SKA3: variants seen among roughly 807,000 people sequenced by gnomAD.
SKA3 encodes spindle and kinetochore associated complex subunit 3, also known as spindle and kinetochore-associated protein 3.
Under a neutral mutation model 44.2 loss-of-function variants are expected in SKA3, and 39 were observed. The observed-to-expected ratio is 0.88, with a 90% CI of 0.68 to 1.15. The LOEUF is 1.15. Among genes scored for constraint, SKA3 ranks in the 50% most tolerant of loss-of-function variants. The pLI, the probability that SKA3 is intolerant of heterozygous loss-of-function variation, is 0.00. For synonymous variants in SKA3, 192 were observed against 172.0 expected (o/e 1.12, Z -0.91); for missense variants, 511 against 485.8 (o/e 1.05, Z -0.49).
chr13:21,157,853 A>C, intron 7 of SKA3, 69 bp downstream of exon 7: 1 of 954,100 alleles, frequency 1.0e-6, no homozygotes, highest in Non-Finnish European at 1.4e-6. Context: ...ATGCAGTTTC[A>C]GGTCTTTAAA....
Position 21,158,011 on chromosome 13 carries a change from GA to G in SKA3, c.1029del (p.Ser345LeufsTer20). Reference sequence around the variant, plus strand: ...TAAGAAGAAATCGTAGGTGAAGAGGGATCTGTTAAATTCTCAAAGCATGTGT... The same window carrying G: ...TAAGAAGAAATCGTAGGTGAAGAGGGTCTGTTAAATTCTCAAAGCATGTGT... Reference protein sequence around the residue: ...NSDTCFENLTDPSSPTISSYE... With the variant: ...NSDTCFENLTXPSSPTISSYE... On this transcript the variant is annotated frameshift_variant, in exon 7 of 9. Transcript: ENST00000314759. LOFTEE classifies it high-confidence loss of function. 2.5e-6 allele frequency: 4 copies of G among 1,613,302 alleles called. No individual in the cohort carries two copies. Among genetic ancestry groups the G allele is most frequent in the Non-Finnish European group, 2.5e-6 (3 of 1,179,376 alleles).
chr13:21,176,198 G>T, intron 1 of SKA3, 177 bp downstream of exon 1: 1 of 562,484 alleles, frequency 1.8e-6, no homozygotes, highest in Non-Finnish European at 3.1e-6. Context: ...AGGCCCGGGA[G>T]CTACGCTAAC....
intron 3 of SKA3, among the ~76,000 whole-genome samples, chr13:21,168,696 A>T (rs6490646): frequency 0.87 from 132,180 of 152,010 alleles, 57,662 homozygotes; most frequent in East Asian, 1. Flanking sequence ...AGCTAATTTT[A>T]AAAATTTTTT....
chr13:21,176,340 CCACGCACCGTGCCCTGGCCGCCCGCCT>C lies in SKA3; in HGVS notation c.103+8_103+34del, dbSNP rs748565263. On this transcript the variant is annotated splice_region_variant and intron_variant, in intron 1 of 8. Coordinates refer to ENST00000314759, the MANE Select transcript of SKA3 (RefSeq NM_145061.6). ...CACGCCCCTCCGCCCGCGGCGCACC[CCACGCACCGTGCCCTGGCCGCCCGCCT>C]CACGCACCGCTTTCCTCTCCGTCCA... The C allele has an allele frequency of 2.4e-6, 3 of 1,250,156 alleles. No individual in the cohort carries two copies. The highest frequency in any genetic ancestry group is 3.1e-6 in the Non-Finnish European group (3 of 953,786). The allele number at this position is 1,250,156 out of a possible 1,614,324, so 77.4% of individuals were successfully genotyped here. A position where few individuals can be genotyped will look rare whatever the true frequency, so the allele number is the denominator to read the frequency against.
chr13:21,170,753 A>G (rs554993908), intron 3 of SKA3, among the ~76,000 whole-genome samples: 36 of 152,320 alleles, frequency 2.4e-4, no homozygotes, highest in Non-Finnish European at 4.9e-4. Flanking sequence ...TATTATCCCC[A>G]TCTTATAAGT....
chr13:21,164,174 AT>A (rs1870588010), intron 4 of SKA3, among the ~76,000 whole-genome samples: 1 of 152,218 alleles, frequency 6.6e-6, no homozygotes. Flanking sequence ...TATAACATAT[AT>A]ATGCACATAT....
At position 21,176,455 on chromosome 13, in the gene SKA3, C is replaced by G. The variant is rs1871538780; in HGVS notation, c.23G>C (p.Cys8Ser). 4 of 1,576,252 alleles carry G rather than the reference C, an allele frequency of 2.5e-6. No homozygotes were observed. Among genetic ancestry groups the G allele is most frequent in the South Asian group, 1.2e-5 (1 of 86,646 alleles). MDPIRSF[C>S]GKLRSLASTL... is the part of the protein sequence containing the mutation. ...GCTGGCCAGAGACCGCAGCTTCCCG[C>G]AGAAGCTCCGGATAGGGTCCATGCT... Residue 8 changes from cysteine to serine, a missense_variant, in exon 1 of 9, where the codon TGC (cysteine) becomes TCC (serine). Cys to Ser is a moderately radical substitution (Grantham distance 112, BLOSUM62 -1). Transcript: ENST00000314759.
At chr13:21,172,280 T>C in intron 3 of SKA3, 59 bp downstream of exon 3, 4 of 1,001,586 alleles carry the variant, frequency 4.0e-6, no homozygotes, top group Non-Finnish European at 5.3e-6. Context: ...GTTGTCTTAA[T>C]CATGCTGCCT....
intron 7 of SKA3, 34 bp downstream of exon 7, chr13:21,157,888 G>GAAAAAA (rs763286804): frequency 1.8e-6 from 1 of 555,098 alleles, no homozygotes; most frequent in African/African-American, 4.3e-5. Flanking sequence ...AAGAATATCA[G>GAAAAAA]CAAAAAAAAA....
intron 1 of SKA3, 50 bp from the exon 2 acceptor site, chr13:21,172,731 G>C: frequency 8.6e-7 from 1 of 1,169,254 alleles, no homozygotes. Flanking sequence ...GTAAGGAAAA[G>C]GAGGAAGAAA....
At position 21,155,813 on chromosome 13, in the gene SKA3, T is replaced by TAAA. The variant is rs11446085; in HGVS notation, c.1120-5_1120-3dup. 18,085 of 1,116,840 alleles carry TAAA rather than the reference T, an allele frequency of 0.016. 24 individuals are homozygous for TAAA. Among genetic ancestry groups the TAAA allele is most frequent in the East Asian group, 0.021 (843 of 39,364 alleles). The allele number at this position is 1,116,840 out of a possible 1,614,324, so 69.2% of individuals were successfully genotyped here. A position where few individuals can be genotyped will look rare whatever the true frequency, so the allele number is the denominator to read the frequency against. On this transcript the variant is annotated splice_polypyrimidine_tract_variant and splice_region_variant and intron_variant, in intron 7 of 8. Coordinates refer to ENST00000314759, the MANE Select transcript of SKA3 (RefSeq NM_145061.6). ...GTTTGAGTTGTATTTTGATAAAAGC[T>TAAA]AAAAAAAAAAAAGGAAATTCCTTTT...
intron 4 of SKA3, among the ~76,000 whole-genome samples, chr13:21,165,807 T>C (rs1870681363): frequency 6.6e-6 from 1 of 151,972 alleles, no homozygotes; most frequent in Admixed American, 6.6e-5. Flanking sequence ...TGGTGGCTCA[T>C]GCCTGCAGTC....
intron 1 of SKA3, among the ~76,000 whole-genome samples, chr13:21,175,890 CTATA>C (rs1331267083): frequency 6.6e-6 from 1 of 152,050 alleles, no homozygotes; most frequent in Non-Finnish European, 1.5e-5. Context: ...AAAAAAGTCA[CTATA>C]TGTGTAAAGT....
intron 6 of SKA3, 35 bp from the exon 7 acceptor site, chr13:21,158,160 A>C: frequency 7.7e-7 from 1 of 1,306,322 alleles, no homozygotes; most frequent in Non-Finnish European, 1.1e-6. Flanking sequence ...AATTATGGTA[A>C]TATAACATAA....
chr13:21,170,044 A>C (rs190472545), intron 3 of SKA3, among the ~76,000 whole-genome samples: 2 of 152,354 alleles, frequency 1.3e-5, no homozygotes, highest in East Asian at 3.9e-4. Flanking sequence ...TGCCTCAGCT[A>C]AATAGCAAAG....
In SKA3 at chr13:21,168,320, A is replaced by G; in HGVS notation, c.411T>C (p.Asp137=). The change falls in exon 4 of 9, where the codon GAT becomes GAC. Residue 137 remains aspartate (D), a synonymous_variant. Transcript: ENST00000314759. ...ENFQKTDVKD[D]LSDPPVASSC... ...TGCTTGCAACAGGAGGATCAGACAGATCATCTTTCACATCAGTCTTCTGAA... is the reference window on the plus strand; with the variant it reads ...TGCTTGCAACAGGAGGATCAGACAGGTCATCTTTCACATCAGTCTTCTGAA... The G allele has an allele frequency of 6.2e-7, 1 of 1,614,156 alleles. No individual in the cohort carries two copies. The highest frequency in any genetic ancestry group is 8.5e-7 in the Non-Finnish European group (1 of 1,180,036).
In SKA3 at chr13:21,154,036, A is replaced by G. The variant is rs1193954080; in HGVS notation, c.*1114T>C. 6.6e-6 allele frequency: 1 copy of G among 152,288 alleles called. No individual in the cohort carries two copies. Among genetic ancestry groups the G allele is most frequent in the African/African-American group, 2.4e-5 (1 of 41,480 alleles). 9.4% of individuals were successfully genotyped at this position (152,288 alleles called of 1,614,324 possible). On this transcript the variant is annotated 3_prime_UTR_variant, in exon 9 of 9. Transcript: ENST00000314759. ...AGTTTTCTGACAAGATTAATAGAGC[A>G]CAATGGACAGGTCCCCCATTTGACT... is the stretch of plus-strand genomic sequence containing the variant.
intron 6 of SKA3, 36 bp from the exon 7 acceptor site, chr13:21,158,161 TATAAC>T (rs748823604): frequency 1.0e-5 from 10 of 993,548 alleles, no homozygotes; most frequent in African/African-American, 3.2e-5. Context: ...ATTATGGTAA[TATAAC>T]ATAATGTAGT....
rs1871519726 is a variant in SKA3 at position 21,176,319 on chromosome 13, C to T, written c.103+56G>A. On this transcript the variant is annotated intron_variant, in intron 1 of 8. Transcript: ENST00000314759. ...TGGGACATACCGTCCACTCGCCACG[C>T]CCCTCCGCCCGCGGCGCACCCCACG... is the stretch of plus-strand genomic sequence containing the variant. The T allele has an allele frequency of 3.9e-6, 5 of 1,282,012 alleles. No homozygotes were observed. The East Asian group carries it at 1.7e-4, about 45-fold the overall frequency. 79.4% of individuals were successfully genotyped at this position (1,282,012 alleles called of 1,614,324 possible).
Sources: allele counts gnomAD v4.1 joint callset (sites outside exome capture counted in the v4.1 genomes callset), GRCh38; gene constraint gnomAD v4.1.1; transcripts MANE v1.5; gene names NCBI Gene and HGNC (gene_info 2026-07-23, HGNC 2026-07-21).